AGO1: variants seen among roughly 807,000 people sequenced by gnomAD.
The protein encoded by AGO1 is argonaute RISC component 1, also known as protein argonaute-1.
A neutral mutation model predicts 109.2 loss-of-function variants in AGO1; 11 were observed. The observed-to-expected ratio is 0.10, with a 90% CI of 0.06 to 0.17. The LOEUF is 0.17. Ranked by LOEUF, AGO1 falls within the 10% of genes least tolerant of loss-of-function variation. AGO1 has a pLI of 1.00. For synonymous variants in AGO1, 422 were observed against 418.6 expected (o/e 1.01, Z -0.10); for missense variants, 574 against 1,140.3 (o/e 0.50, Z 7.15).
intron 1 of AGO1, among the ~76,000 whole-genome samples, chr1:35,875,022 C>T (rs1312683552): frequency 6.6e-6 from 1 of 152,180 alleles, no homozygotes; most frequent in African/African-American, 2.4e-5. Context: ...AAGAAGCCAT[C>T]TCCATAACAT....
chr1:35,915,608 T>C (rs983629327), intron 15 of AGO1, 66 bp downstream of exon 15: 11 of 1,441,430 alleles, frequency 7.6e-6, no homozygotes, highest in Non-Finnish European at 3.8e-6. Flanking sequence ...CTACTACCTT[T>C]TCTAAGCTAT....
intron 12 of AGO1, among the ~76,000 whole-genome samples, chr1:35,907,878 A>C (rs376823729): frequency 6.6e-6 from 1 of 152,168 alleles, no homozygotes; most frequent in Non-Finnish European, 1.5e-5. Context: ...TAATCCCAGC[A>C]CTTTGGAATG....
chr1:35,897,035 C>T (rs1050433312), intron 8 of AGO1, among the ~76,000 whole-genome samples: 2 of 152,160 alleles, frequency 1.3e-5, no homozygotes, highest in Non-Finnish European at 2.9e-5. Context: ...TATCGAGCTC[C>T]TACTATGTGT....
Position 35,923,492 on chromosome 1 carries a change from T to A in AGO1, c.*3885T>A, listed in dbSNP as rs575661209. 6.6e-6 allele frequency: 1 copy of A among 152,606 alleles called. No individual in the cohort carries two copies. Among genetic ancestry groups the A allele is most frequent in the African/African-American group, 2.4e-5 (1 of 41,450 alleles). The allele number at this position is 152,606 out of a possible 1,614,324, so 9.5% of individuals were successfully genotyped here. A position where few individuals can be genotyped will look rare whatever the true frequency, so the allele number is the denominator to read the frequency against. ...CCAAAAGGCAGTTTTGGAAACTACATTGGGGGACGTTATTTTTATTTATAT... is the reference window on the plus strand; with the variant it reads ...CCAAAAGGCAGTTTTGGAAACTACAATGGGGGACGTTATTTTTATTTATAT... On this transcript the variant is annotated 3_prime_UTR_variant, in exon 19 of 19. Coordinates refer to ENST00000373204, the MANE Select transcript of AGO1 (RefSeq NM_012199.5).
chr1:35,897,231 G>A (rs1645336324), intron 8 of AGO1, among the ~76,000 whole-genome samples: 1 of 152,228 alleles, frequency 6.6e-6, no homozygotes, highest in African/African-American at 2.4e-5. Context: ...AAGGGAGGAA[G>A]AGGGTAGAGA....
Position 35,894,133 on chromosome 1 carries a change from C to T in AGO1, c.746C>T (p.Thr249Met), listed in dbSNP as rs1470621142. The T allele has an allele frequency of 5.7e-6, 9 of 1,585,532 alleles. No individual in the cohort carries two copies. Among genetic ancestry groups the T allele is most frequent in the Non-Finnish European group, 6.0e-6 (7 of 1,166,412 alleles). Residue 249 changes from threonine to methionine, a missense_variant, in exon 6 of 19, where the codon ACG becomes ATG. Physicochemically the swap from Thr to Met is moderately conservative, Grantham distance 81. Around this residue, in one of 8 missense-constraint regions of AGO1, gnomAD observed 129 missense variants for 243.0 expected, o/e 0.53. Transcript: ENST00000373204. ...ATAGATGAGCAGCCCAAGCCCCTCACGGACTCTCAGCGCGTTCGCTTCACC... is the reference window on the plus strand; with the variant it reads ...ATAGATGAGCAGCCCAAGCCCCTCATGGACTCTCAGCGCGTTCGCTTCACC... ...RNIDEQPKPLTDSQRVRFTKE... is the reference protein window; with the variant it reads ...RNIDEQPKPLMDSQRVRFTKE...
Position 35,888,828 on chromosome 1 carries a change from A to G in AGO1, c.209+218A>G, listed in dbSNP as rs1422919459. ...TTTTGCCAGAGCAATTTCAGCAGAA[A>G]GTAGTTGAGCTAGTTAATCTAACTA... On this transcript the variant is annotated intron_variant, in intron 2 of 18. Transcript: ENST00000373204. This position sits in a 1 kb window ranked among gnomAD's most constrained non-coding sequence, Gnocchi z 4.1. Among the ~76,000 whole-genome samples, 1 of 152,276 alleles carries G rather than the reference A, an allele frequency of 6.6e-6. No individual in the cohort carries two copies. Among genetic ancestry groups the G allele is most frequent in the Admixed American group, 6.5e-5 (1 of 15,288 alleles).
intron 15 of AGO1, among the ~76,000 whole-genome samples, chr1:35,915,940 T>C (rs904926690): frequency 1.3e-5 from 2 of 152,236 alleles, no homozygotes; most frequent in African/African-American, 4.8e-5. Flanking sequence ...TCTTAGGCGA[T>C]GCTGATAGTC....
At position 35,917,550 on chromosome 1, in the gene AGO1, A is replaced by ACTGTGT. The variant is rs755884151; in HGVS notation, c.2029-42_2029-37dup. The ACTGTGT allele has an allele frequency of 2.5e-6, 4 of 1,592,170 alleles. No homozygotes were observed. In the South Asian group the frequency reaches 3.4e-5, roughly 13 times the overall value. ...AGAAGGGTATGTGAACTCAAGAGGAACTGTGTATTTCTTTGTTTCCCTCCC... is the reference window on the plus strand; with the variant it reads ...AGAAGGGTATGTGAACTCAAGAGGAACTGTGTCTGTGTATTTCTTTGTTTCCCTCCC... On this transcript the variant is annotated intron_variant, in intron 15 of 18. Coordinates refer to ENST00000373204, the MANE Select transcript of AGO1 (RefSeq NM_012199.5).
In AGO1 at chr1:35,893,531, C is replaced by A; in HGVS notation, c.513-143C>A. On this transcript the variant is annotated intron_variant, in intron 4 of 18. Coordinates refer to ENST00000373204, the MANE Select transcript of AGO1 (RefSeq NM_012199.5). This position sits in a 1 kb window ranked among gnomAD's most constrained non-coding sequence, Gnocchi z 5.6. ...GAGAAGGTAGAAACTTGTACAAGGT[C>A]AGTCATACAACTAGTAAAGCATCAG... 1.1e-6 allele frequency: 1 copy of A among 930,760 alleles called. No individual in the cohort carries two copies. 57.7% of individuals were successfully genotyped at this position (930,760 alleles called of 1,614,324 possible). A position where few individuals can be genotyped will look rare whatever the true frequency, so the allele number is the denominator to read the frequency against.
chr1:35,893,442 A>C lies in AGO1; in HGVS notation c.512+164A>C. On this transcript the variant is annotated intron_variant, in intron 4 of 18. Transcript: ENST00000373204. The surrounding 1 kb of genome is among the most constrained non-coding windows in gnomAD (Gnocchi z 5.6). The stretch of plus-strand genomic sequence containing the variant: ...TGTGTATTTATATTTAGATGGTTTA[A>C]AGCCCTGGCCCTGAACTTCTTAGAT... 1.2e-6 allele frequency: 1 copy of C among 857,806 alleles called. No homozygotes were observed. 53.1% of individuals were successfully genotyped at this position (857,806 alleles called of 1,614,324 possible).
At chr1:35,916,284 C>T (rs1645733569) in intron 15 of AGO1, among the ~76,000 whole-genome samples, 1 of 152,094 alleles carries the variant, frequency 6.6e-6, no homozygotes, top group Non-Finnish European at 1.5e-5. Flanking sequence ...TTAATGTCAT[C>T]AAAGATAATT....
chr1:35,896,163 C>G (rs1230699745), intron 8 of AGO1, among the ~76,000 whole-genome samples: 1 of 152,066 alleles, frequency 6.6e-6, no homozygotes, highest in Non-Finnish European at 1.5e-5. Context: ...CCACACCCAG[C>G]TAATTTTGTA....
chr1:35,885,265 A>G (rs1216799276), intron 1 of AGO1, among the ~76,000 whole-genome samples: 2 of 152,188 alleles, frequency 1.3e-5, no homozygotes, highest in Non-Finnish European at 2.9e-5. Flanking sequence ...TGAGGTCCAC[A>G]TGGATTGCTG....
chr1:35,913,020 T>G (rs1409202316), intron 12 of AGO1, among the ~76,000 whole-genome samples: 3 of 149,520 alleles, frequency 2.0e-5, no homozygotes, highest in Non-Finnish European at 4.5e-5. Flanking sequence ...TCACCCATCT[T>G]TTTTTTTTTT....
At chr1:35,880,022 G>T (rs1386505511), upstream of AGO1, among the ~76,000 whole-genome samples, 3 of 152,180 alleles carry the variant, frequency 2.0e-5, no homozygotes, top group East Asian at 5.8e-4. Context: ...CAGGGCAGAG[G>T]TCTTTCTGAG....
chr1:35,890,077 C>T (rs1645189786), intron 2 of AGO1, among the ~76,000 whole-genome samples: 1 of 151,988 alleles, frequency 6.6e-6, no homozygotes, highest in South Asian at 2.1e-4. Context: ...GGCTAGAGTG[C>T]AGTGGCGTGA....
At chr1:35,910,220 G>A (rs1185583829) in intron 12 of AGO1, among the ~76,000 whole-genome samples, 1 of 150,806 alleles carries the variant, frequency 6.6e-6, no homozygotes, top group Admixed American at 6.6e-5. Context: ...CCTCCTGGGA[G>A]GCTGGGTAAA....
At chr1:35,891,984 C>G (rs1196471160) in intron 2 of AGO1, among the ~76,000 whole-genome samples, 2 of 152,012 alleles carry the variant, frequency 1.3e-5, no homozygotes, top group African/African-American at 2.4e-5. Flanking sequence ...CTCAGGTGAT[C>G]CTCCTGCCTC....
Sources: gnomAD v4.1 joint callset for allele counts (sites outside exome capture counted in the v4.1 genomes callset) on GRCh38, gnomAD v4.1.1 for gene constraint, gnomAD v4.1.1 regional missense constraint, Gnocchi (gnomAD v3.1) non-coding constraint, MANE v1.5 for transcripts, NCBI Gene and HGNC (gene_info 2026-07-23, HGNC 2026-07-21) for gene names.